NSMF: variants seen among roughly 807,000 people sequenced by gnomAD.
NSMF encodes nasal embryonic LHRH factor.
In NSMF, 31 loss-of-function variants were observed where a neutral mutation model predicts 71.0. That is an observed-to-expected ratio of 0.44 (90% CI 0.33 to 0.59). The LOEUF (loss-of-function observed/expected upper bound fraction) is 0.59, where lower values mean the gene tolerates loss of function less well. Among genes scored for constraint, NSMF ranks in the 20% least tolerant of loss-of-function variants. NSMF has a pLI of 0.04. For missense variants in NSMF, 673 were observed against 740.5 expected, an observed-to-expected ratio of 0.91 and a Z score of 1.06; for synonymous variants, 345 against 287.1, an observed-to-expected ratio of 1.20 and a Z score of -2.04.
Position 137,453,804 on chromosome 9 carries a change from G to T in NSMF, c.849C>A (p.Arg283=). 2 of 1,593,630 alleles carry T rather than the reference G, an allele frequency of 1.3e-6. No homozygotes were observed. Among genetic ancestry groups the T allele is most frequent in the Non-Finnish European group, 1.7e-6 (2 of 1,176,366 alleles). Residue 283 remains arginine (R), a synonymous_variant, in exon 8 of 16, where the codon CGC becomes CGA. Transcript: ENST00000371475. The surrounding 1 kb of genome is among the most constrained non-coding windows in gnomAD (Gnocchi z 4.5). ...RVKAQTFAER[R]ERSFSRSWSD... Reference sequence around the variant, plus strand: ...TCCAGGACCGGCTGAAGCTCCGCTCGCGCCGCTCAGCGAACGCTGCAGAGA... The same window carrying T: ...TCCAGGACCGGCTGAAGCTCCGCTCTCGCCGCTCAGCGAACGCTGCAGAGA...
intron 14 of NSMF, 96 bp downstream of exon 14, chr9:137,449,827 A>G: frequency 1.5e-6 from 2 of 1,339,260 alleles, no homozygotes; most frequent in Non-Finnish European, 2.1e-6. Context: ...GCCCGGGGGA[A>G]GGAAAAAAAA....
At chr9:137,459,011 A>G in intron 1 of NSMF, 21 bp downstream of exon 1, 1 of 1,272,402 alleles carries the variant, frequency 7.9e-7, no homozygotes. Flanking sequence ...GGGTGCGGGA[A>G]GGCGGCCCCG....
In NSMF at chr9:137,455,617, A is replaced by G; in HGVS notation, c.710+12T>C. ...GCTGTGCCCTTAGGCACCAAGTCAT[A>G]CAGGTACTTACGAGATGCTGAAGCC... On this transcript the variant is annotated intron_variant, in intron 5 of 15. Coordinates refer to ENST00000371475, the MANE Select transcript of NSMF (RefSeq NM_001130969.3). 2 of 1,550,312 alleles carry G rather than the reference A, an allele frequency of 1.3e-6. No individual in the cohort carries two copies. Among genetic ancestry groups the G allele is most frequent in the Admixed American group, 2.0e-5 (1 of 51,010 alleles).
At chr9:137,452,997 C>G in intron 9 of NSMF, 59 bp downstream of exon 9, 3 of 1,608,116 alleles carry the variant, frequency 1.9e-6, no homozygotes, top group Non-Finnish European at 2.5e-6. Flanking sequence ...TGGCTGGACT[C>G]GGGTTGGGGC....
intron 4 of NSMF, among the ~76,000 whole-genome samples, 177 bp from the exon 5 acceptor site, chr9:137,455,811 A>T (rs1200205806): frequency 6.6e-6 from 1 of 152,246 alleles, no homozygotes; most frequent in Non-Finnish European, 1.5e-5. Context: ...GCCAGCCCTG[A>T]ATGGGCAACG....
At position 137,459,163 on chromosome 9, in the gene NSMF, CG is replaced by C; in HGVS notation, c.-62del. 1 of 1,119,686 alleles carries C rather than the reference CG, an allele frequency of 8.9e-7. No individual in the cohort carries two copies. The highest frequency in any genetic ancestry group is 1.1e-6 in the Non-Finnish European group (1 of 911,172). The allele number at this position is 1,119,686 out of a possible 1,614,324, so 69.4% of individuals were successfully genotyped here. On this transcript the variant is annotated 5_prime_UTR_variant, in exon 1 of 16. It removes the in-frame stop codon of an upstream open reading frame in the 5' UTR. Transcript: ENST00000371475. ...CGCGCCCCGCGCCCGCCGCCTCCGC[CG>C]GGGTAGCCGCGCCGCACCGGGGGTC...
At chr9:137,449,860 T>C in intron 14 of NSMF, 63 bp downstream of exon 14, 5 of 1,437,694 alleles carry the variant, frequency 3.5e-6, no homozygotes, top group Non-Finnish European at 4.9e-6. Context: ...TGGAAGGCTC[T>C]GCCCTGTCTG....
In NSMF at chr9:137,453,749, A is replaced by T; in HGVS notation, c.904T>A (p.Ser302Thr). 2 of 1,602,350 alleles carry T rather than the reference A, an allele frequency of 1.2e-6. No homozygotes were observed. The highest frequency in any genetic ancestry group is 1.7e-6 in the Non-Finnish European group (2 of 1,178,396). The change falls in exon 8 of 16, where the codon TCC becomes ACC. Residue 302 changes from serine (S) to threonine (T), a missense_variant. Coordinates refer to ENST00000371475, the MANE Select transcript of NSMF (RefSeq NM_001130969.3). The surrounding 1 kb of genome is among the most constrained non-coding windows in gnomAD (Gnocchi z 4.5). Reference protein sequence around the residue: ...SDPTPMKADTSHDSRDSSDLQ... With the variant: ...SDPTPMKADTTHDSRDSSDLQ... ...CACCTACTGTCTCGGGAGTCGTGGG[A>T]AGTGTCGGCTTTCATGGGGGTGGGG...
At position 137,457,638 on chromosome 9, in the gene NSMF, G is replaced by A. The variant is rs1340604823; in HGVS notation, c.397C>T (p.His133Tyr). The A allele has an allele frequency of 1.3e-6, 2 of 1,549,780 alleles. No homozygotes were observed. The highest frequency in any genetic ancestry group is 2.0e-5 in the Admixed American group (1 of 51,096). ...GCGCGCAGGGGCTGGCTGTGATGGTGAGGGTGCCGCTGCCGCCGCCCCTTC... is the reference window on the plus strand; with the variant it reads ...GCGCGCAGGGGCTGGCTGTGATGGTAAGGGTGCCGCTGCCGCCGCCCCTTC... ...VVKGRRQRHPHHHSQPLRASP... is the reference protein window; with the variant it reads ...VVKGRRQRHPYHHSQPLRASP... The change falls in exon 3 of 16, where the codon CAC becomes TAC. Residue 133 changes from histidine to tyrosine, a missense_variant. By Grantham distance (83) the His-to-Tyr change is moderately conservative. Around this residue, in one of 2 missense-constraint regions of NSMF, gnomAD observed 471 missense variants for 459.6 expected, o/e 1.02. Transcript: ENST00000371475.
rs1839758332 is a variant in NSMF at position 137,449,029 on chromosome 9, A to T, written c.*365T>A. 1 of 400,018 alleles carries T rather than the reference A, an allele frequency of 2.5e-6. No individual in the cohort carries two copies. Among genetic ancestry groups the T allele is most frequent in the Middle Eastern group, 7.5e-4 (1 of 1,334 alleles). 24.8% of individuals were successfully genotyped at this position (400,018 alleles called of 1,614,324 possible). A position where few individuals can be genotyped will look rare whatever the true frequency, so the allele number is the denominator to read the frequency against. ...GCAGCATAGTGCTTAACTAGTTAAC[A>T]AGAAATGCTGCTTCCCTTTGAATTG... On this transcript the variant is annotated 3_prime_UTR_variant, in exon 16 of 16. Coordinates refer to ENST00000371475, the MANE Select transcript of NSMF (RefSeq NM_001130969.3).
At position 137,450,818 on chromosome 9, in the gene NSMF, C is replaced by A. The variant is rs142136204; in HGVS notation, c.1237-563G>T. Among the ~76,000 whole-genome samples, 31 of 30,124 alleles carry A rather than the reference C, an allele frequency of 1.0e-3. 1 individual carries two copies. Among genetic ancestry groups the A allele is most frequent in the Middle Eastern group, 0.012 (1 of 84 alleles). 19.8% of individuals were successfully genotyped at this position (30,124 alleles called of 152,430 possible). A position where few individuals can be genotyped will look rare whatever the true frequency, so the allele number is the denominator to read the frequency against. ...ACACGCTCTTCTCCTTGATCTCCCC[C>A]CAATGCCTCTTCCCCTTGACCTGCC... On this transcript the variant is annotated intron_variant, in intron 12 of 15. Coordinates refer to ENST00000371475, the MANE Select transcript of NSMF (RefSeq NM_001130969.3).
At chr9:137,456,733 G>A (rs1415422403) in intron 3 of NSMF, among the ~76,000 whole-genome samples, 2 of 152,148 alleles carry the variant, frequency 1.3e-5, no homozygotes, top group African/African-American at 2.4e-5. Context: ...TTTCCCTTTG[G>A]CCACCCAAAG....
intron 15 of NSMF, 34 bp from the exon 16 acceptor site, chr9:137,449,525 G>C: frequency 6.2e-7 from 1 of 1,610,732 alleles, no homozygotes; most frequent in Non-Finnish European, 8.5e-7. Flanking sequence ...CTCAGGCCTG[G>C]CCGGCCCTGG....
rs1480346207 is a variant in NSMF, at chr9:137,452,546, C to T, written c.1165+7G>A. ...ACCAGCAGAGAGAAGGCCAATGAGG[C>T]ACATACCAAGGATGTCCTCGAAGGT... On this transcript the variant is annotated splice_region_variant and intron_variant, in intron 11 of 15. Transcript: ENST00000371475. 6.2e-7 allele frequency: 1 copy of T among 1,612,542 alleles called. No individual in the cohort carries two copies. The highest frequency in any genetic ancestry group is 1.3e-5 in the African/African-American group (1 of 74,920).
intron 5 of NSMF, 116 bp from the exon 6 acceptor site, chr9:137,455,423 A>C (rs1830784408): frequency 8.2e-7 from 1 of 1,222,220 alleles, no homozygotes; most frequent in Non-Finnish European, 1.2e-6. Context: ...GGGGCCCGGC[A>C]GAGGAGTCCC....
intron 2 of NSMF, among the ~76,000 whole-genome samples, chr9:137,458,125 C>G (rs1830944285): frequency 6.6e-6 from 1 of 152,180 alleles, no homozygotes. Flanking sequence ...TACCTGTGTG[C>G]GGTCCTGCCG....
At chr9:137,456,558 A>G in intron 3 of NSMF, 72 bp from the exon 4 acceptor site, 1 of 955,162 alleles carries the variant, frequency 1.0e-6, no homozygotes, top group Non-Finnish European at 1.7e-6. Context: ...CCTGTTGGGA[A>G]GCAGATGCTT....
chr9:137,456,588 GAAGC>G, intron 3 of NSMF, 102 bp from the exon 4 acceptor site: 1 of 743,006 alleles, frequency 1.3e-6, no homozygotes, highest in Non-Finnish European at 2.4e-6. Flanking sequence ...GGGGTCAGCA[GAAGC>G]TGGCAGCCAG....
chr9:137,453,331 G>T lies in NSMF; in HGVS notation c.923-151C>A. The T allele has an allele frequency of 9.0e-7, 1 of 1,108,012 alleles. No individual in the cohort carries two copies. Among genetic ancestry groups the T allele is most frequent in the African/African-American group, 1.6e-5 (1 of 64,386 alleles). 68.6% of individuals were successfully genotyped at this position (1,108,012 alleles called of 1,614,324 possible). A position where few individuals can be genotyped will look rare whatever the true frequency, so the allele number is the denominator to read the frequency against. Reference sequence around the variant, plus strand: ...TACAGAGGTCGCCGCCAGCCCGGCAGGACAGGCCTGTGGACACCACTGGGC... The same window carrying T: ...TACAGAGGTCGCCGCCAGCCCGGCATGACAGGCCTGTGGACACCACTGGGC... On this transcript the variant is annotated intron_variant, in intron 8 of 15. Coordinates refer to ENST00000371475, the MANE Select transcript of NSMF (RefSeq NM_001130969.3). This position sits in a 1 kb window ranked among gnomAD's most constrained non-coding sequence, Gnocchi z 4.5.
Sources: gnomAD v4.1 joint callset for allele counts (sites outside exome capture counted in the v4.1 genomes callset) on GRCh38, gnomAD v4.1.1 for gene constraint, gnomAD v4.1.1 regional missense constraint, Gnocchi (gnomAD v3.1) non-coding constraint, MANE v1.5 for transcripts, NCBI Gene and HGNC (gene_info 2026-07-23, HGNC 2026-07-21) for gene names.